Variants in ARHGAP39 observed in about 807,000 individuals in gnomAD.
ARHGAP39 encodes the protein rho GTPase-activating protein 39.
Under a neutral mutation model 106.9 loss-of-function variants are expected in ARHGAP39, and 44 were observed. That is an observed-to-expected ratio of 0.41 (90% CI 0.32 to 0.53). The LOEUF is 0.53. Ranked by LOEUF, ARHGAP39 falls within the 20% of genes least tolerant of loss-of-function variation. The probability of loss-of-function intolerance (pLI) is 0.21; values close to 1 mark genes in which losing one functional copy is unlikely to be tolerated. For synonymous variants in ARHGAP39, 768 were observed against 693.2 expected, an observed-to-expected ratio of 1.11 and a Z score of -1.69; for missense variants, 1,496 against 1,577.3, an observed-to-expected ratio of 0.95 and a Z score of 0.87.
chr8:144,624,121 C>A (rs141658955), intron 1 of ARHGAP39, among the ~76,000 whole-genome samples: 8 of 152,206 alleles, frequency 5.3e-5, no homozygotes, highest in Non-Finnish European at 7.3e-5. Context: ...AGCTTCCTTA[C>A]GCTCGTGCTA....
At chr8:144,667,443 T>C (rs1025044977) in intron 1 of ARHGAP39, among the ~76,000 whole-genome samples, 4 of 151,674 alleles carry the variant, frequency 2.6e-5, no homozygotes, top group Admixed American at 2.6e-4. Flanking sequence ...CACTGACACC[T>C]ACCAACTACT....
rs1341102332 is a variant in ARHGAP39, at chr8:144,670,771, G to A, written c.-82+14915C>T. Among the ~76,000 whole-genome samples, 3 of 152,028 alleles carry A rather than the reference G, an allele frequency of 2.0e-5. No homozygotes were observed. The highest frequency in any genetic ancestry group is 2.9e-5 in the Non-Finnish European group (2 of 68,010). On this transcript the variant is annotated intron_variant, in intron 1 of 11. Transcript: ENST00000377307. This position sits in a 1 kb window ranked among gnomAD's most constrained non-coding sequence, Gnocchi z 4.4. Reference sequence around the variant, plus strand: ...GATTTGCTGTCACAGCCTCATCCCCGTCCTTCAGACCACACACCGCAGCTG... The same window carrying A: ...GATTTGCTGTCACAGCCTCATCCCCATCCTTCAGACCACACACCGCAGCTG...
rs1269007582 is a variant in ARHGAP39, at chr8:144,681,497, G to C, written c.-82+4189C>G. Among the ~76,000 whole-genome samples the C allele has an allele frequency of 5.3e-5, 8 of 152,238 alleles. No individual in the cohort carries two copies. In the South Asian group the frequency reaches 1.7e-3, roughly 31 times the overall value. ...CTTGAGTCAACGAAGAGGCACAGCA[G>C]AGGGGCTTTGCTAGTAGAAGTAGGT... On this transcript the variant is annotated intron_variant, in intron 1 of 11. Transcript: ENST00000377307.
chr8:144,621,200 G>A (rs1410986047), intron 1 of ARHGAP39, among the ~76,000 whole-genome samples: 1 of 152,284 alleles, frequency 6.6e-6, no homozygotes, highest in Non-Finnish European at 1.5e-5. Flanking sequence ...GCCAACCAGT[G>A]CCCTCTCAGA....
chr8:144,615,506 G>A (rs1820610119), intron 1 of ARHGAP39, among the ~76,000 whole-genome samples: 1 of 152,080 alleles, frequency 6.6e-6, no homozygotes, highest in Admixed American at 6.5e-5. Flanking sequence ...CAGCCTGCTG[G>A]AGACCTGATA....
upstream of ARHGAP39, among the ~76,000 whole-genome samples, chr8:144,689,426 CTTTTTTTTTTTTTT>C (rs71320837): frequency 4.4e-5 from 3 of 67,554 alleles, no homozygotes; most frequent in African/African-American, 1.2e-4. Flanking sequence ...TCTTAACCAT[CTTTTTTTTTTTTTT>C]TTTTTTTTTT....
intron 3 of ARHGAP39, among the ~76,000 whole-genome samples, chr8:144,574,849 TAC>T (rs1384271819): frequency 6.6e-6 from 1 of 152,152 alleles, no homozygotes; most frequent in Non-Finnish European, 1.5e-5. Context: ...CAGGAGATTT[TAC>T]AGTCAGGCAT....
intron 1 of ARHGAP39, among the ~76,000 whole-genome samples, chr8:144,613,660 G>C (rs1820553862): frequency 6.6e-6 from 1 of 151,424 alleles, no homozygotes; most frequent in Admixed American, 6.6e-5. Flanking sequence ...TTTGTAACTG[G>C]TTTTGAGTAA....
intron 7 of ARHGAP39, among the ~76,000 whole-genome samples, chr8:144,535,555 A>G (rs1816920731): frequency 6.6e-6 from 1 of 152,242 alleles, no homozygotes; most frequent in Non-Finnish European, 1.5e-5. Context: ...CTTTGCAGGA[A>G]GGCGGCAGAA....
intron 3 of ARHGAP39, among the ~76,000 whole-genome samples, chr8:144,557,774 C>T (rs374104744): frequency 2.0e-5 from 3 of 152,324 alleles, no homozygotes; most frequent in East Asian, 1.9e-4. Context: ...GCTGAACCTT[C>T]GTAGTATTCA....
intron 1 of ARHGAP39, among the ~76,000 whole-genome samples, chr8:144,685,440 G>A (rs796071033): frequency 6.7e-6 from 1 of 148,656 alleles, no homozygotes; most frequent in African/African-American, 2.5e-5. Flanking sequence ...CCCGGGCCCC[G>A]CGCGGCCTCG....
rs374051303 is a variant in ARHGAP39, at chr8:144,542,947, CA to C, written c.2521+2301del. Among the ~76,000 whole-genome samples the C allele has an allele frequency of 4.8e-3, 693 of 144,182 alleles. 5 individuals are homozygous for C. The highest frequency in any genetic ancestry group is 0.017 in the African/African-American group (651 of 39,442). 94.6% of individuals were successfully genotyped at this position (144,182 alleles called of 152,430 possible). On this transcript the variant is annotated intron_variant, in intron 6 of 11. Transcript: ENST00000377307. Reference sequence around the variant, plus strand: ...GGGCAACAGAGCGAGACTCTAACTCCAAAAAAAAAGGGGGGTCTTGCTCTGT... The same window carrying C: ...GGGCAACAGAGCGAGACTCTAACTCCAAAAAAAAGGGGGGTCTTGCTCTGT...
upstream of ARHGAP39, among the ~76,000 whole-genome samples, chr8:144,686,999 GCGACCA>G (rs1159130485): frequency 4.2e-4 from 39 of 91,994 alleles, 1 homozygote; most frequent in Non-Finnish European, 5.9e-4. Flanking sequence ...CACACTGGCG[GCGACCA>G]TTTCCCACCC....
chr8:144,646,415 T>A lies in ARHGAP39; in HGVS notation c.-82+39271A>T, dbSNP rs751190883. ...CTTCTTGGCTTCTGTTTGTTTTTAA[T>A]CCTGTGAAAGTATCGATAGCCAAAA... On this transcript the variant is annotated intron_variant, in intron 1 of 11. Coordinates refer to ENST00000377307, the MANE Select transcript of ARHGAP39 (RefSeq NM_025251.3). This position sits in a 1 kb window ranked among gnomAD's most constrained non-coding sequence, Gnocchi z 5.7. 9.2e-5 allele frequency among the ~76,000 whole-genome samples: 14 copies of A among 152,088 alleles called. No homozygotes were observed. The highest frequency in any genetic ancestry group is 3.4e-4 in the African/African-American group (14 of 41,382).
intron 1 of ARHGAP39, among the ~76,000 whole-genome samples, chr8:144,626,583 G>A (rs577776942): frequency 1.8e-4 from 26 of 141,200 alleles, no homozygotes; most frequent in African/African-American, 6.4e-4. Flanking sequence ...TGCACACTGC[G>A]GCATCCCCTG....
chr8:144,579,201 C>CAAAAAA (rs541332282), intron 3 of ARHGAP39, among the ~76,000 whole-genome samples: 46 of 39,708 alleles, frequency 1.2e-3, no homozygotes, highest in Admixed American at 1.4e-3. Context: ...GACTCTGTCT[C>CAAAAAA]AAAAAAAAAA....
chr8:144,671,356 A>C lies in ARHGAP39; in HGVS notation c.-82+14330T>G, dbSNP rs1279689091. Reference sequence around the variant, plus strand: ...TGTTTTCCGCAAAAGAAATGAACGAATAAAGCTGGAGTTAGAAAGAAGCTA... The same window carrying C: ...TGTTTTCCGCAAAAGAAATGAACGACTAAAGCTGGAGTTAGAAAGAAGCTA... On this transcript the variant is annotated intron_variant, in intron 1 of 11. Coordinates refer to ENST00000377307, the MANE Select transcript of ARHGAP39 (RefSeq NM_025251.3). The surrounding 1 kb of genome is among the most constrained non-coding windows in gnomAD (Gnocchi z 4.5). Among the ~76,000 whole-genome samples the C allele has an allele frequency of 1.3e-5, 2 of 152,254 alleles. No individual in the cohort carries two copies. Among genetic ancestry groups the C allele is most frequent in the Non-Finnish European group, 2.9e-5 (2 of 68,036 alleles).
At chr8:144,544,838 G>A (rs908962794) in intron 6 of ARHGAP39, among the ~76,000 whole-genome samples, 20 of 152,242 alleles carry the variant, frequency 1.3e-4, no homozygotes, top group Admixed American at 4.6e-4. Flanking sequence ...GAGACAACCC[G>A]GATCTTGCCA....
chr8:144,604,265 G>A lies in ARHGAP39; in HGVS notation c.80+1270C>T, dbSNP rs555994801. ...GGTCAGAGGTCATGTTGCCAGGTGA[G>A]GGGCAGATGGACAGCAGTGTCTGCA... is the stretch of plus-strand genomic sequence containing the variant. On this transcript the variant is annotated intron_variant, in intron 2 of 11. Coordinates refer to ENST00000377307, the MANE Select transcript of ARHGAP39 (RefSeq NM_025251.3). The surrounding 1 kb of genome is among the most constrained non-coding windows in gnomAD (Gnocchi z 4.1). 2.0e-5 allele frequency among the ~76,000 whole-genome samples: 3 copies of A among 152,320 alleles called. No individual in the cohort carries two copies. The highest frequency in any genetic ancestry group is 2.9e-5 in the Non-Finnish European group (2 of 68,034).
Sources: gnomAD v4.1 joint callset for allele counts (sites outside exome capture counted in the v4.1 genomes callset) on GRCh38, gnomAD v4.1.1 for gene constraint, Gnocchi (gnomAD v3.1) non-coding constraint, MANE v1.5 for transcripts, NCBI Gene and HGNC (gene_info 2026-07-23, HGNC 2026-07-21) for gene names.